Variants in ACSM2A observed in about 807,000 individuals in gnomAD.
ACSM2A encodes the protein acyl-CoA synthetase medium chain family member 2A.
A neutral mutation model predicts 76.6 loss-of-function variants in ACSM2A; 72 were observed. That is an observed-to-expected ratio of 0.94 (90% confidence interval 0.78 to 1.14). The LOEUF is 1.14. Among genes scored for constraint, ACSM2A ranks in the 50% most tolerant of loss-of-function variants. ACSM2A has a pLI of 0.00. For missense variants in ACSM2A, 684 were observed against 708.5 expected (o/e 0.97, Z 0.39); for synonymous variants, 249 against 255.9 (o/e 0.97, Z 0.26).
intron 6 of ACSM2A, among the ~76,000 whole-genome samples, chr16:20,472,864 A>C (rs2013502859): frequency 6.6e-6 from 1 of 152,182 alleles, no homozygotes; most frequent in African/African-American, 2.4e-5. Flanking sequence ...ATCTGTAAAA[A>C]TGTTCCCCCA....
In ACSM2A at chr16:20,483,122, A is replaced by G. The variant is rs777582294; in HGVS notation, c.1574A>G (p.Lys525Arg). Reference sequence around the variant, plus strand: ...TCCCATGACCCAGAACAGCTCACCAAGGAGCTGCAGCAGCATGTGAAGTCA... The same window carrying G: ...TCCCATGACCCAGAACAGCTCACCAGGGAGCTGCAGCAGCATGTGAAGTCA... Reference protein sequence around the residue: ...FLSHDPEQLTKELQQHVKSVT... With the variant: ...FLSHDPEQLTRELQQHVKSVT... Residue 525 changes from lysine (K) to arginine (R), a missense_variant, in exon 13 of 14, where the codon AAG (lysine) becomes AGG (arginine). Physicochemically the swap from Lys to Arg is conservative, Grantham distance 26. Around this residue, in one of 3 missense-constraint regions of ACSM2A, gnomAD observed 159 missense variants for 132.5 expected, o/e 1.20. Coordinates refer to ENST00000573854, the MANE Select transcript of ACSM2A (RefSeq NM_001308172.2). The G allele has an allele frequency of 6.2e-6, 10 of 1,614,000 alleles. No individual in the cohort carries two copies. In the Admixed American group the frequency reaches 1.2e-4, roughly 19 times the overall value.
chr16:20,471,766 T>C, intron 6 of ACSM2A, 77 bp downstream of exon 6: 1 of 1,547,964 alleles, frequency 6.5e-7, no homozygotes, highest in Admixed American at 1.9e-5. Context: ...TGTAGTTTGT[T>C]TCAATTCATC....
At chr16:20,470,133 G>A (rs991982723) in intron 4 of ACSM2A, among the ~76,000 whole-genome samples, 6 of 152,076 alleles carry the variant, frequency 3.9e-5, no homozygotes, top group African/African-American at 1.4e-4. Flanking sequence ...AAACTATGGG[G>A]CACAAAGTGA....
At chr16:20,485,019 A>C (rs945557184) in intron 13 of ACSM2A, among the ~76,000 whole-genome samples, 5 of 152,050 alleles carry the variant, frequency 3.3e-5, no homozygotes, top group Admixed American at 1.3e-4. Flanking sequence ...CCAGTTACTC[A>C]ATAACCTCTG....
rs757187183 is a variant in ACSM2A at position 20,480,811 on chromosome 16, T to C, written c.1410-11T>C. On this transcript the variant is annotated splice_polypyrimidine_tract_variant and intron_variant, in intron 11 of 13. Coordinates refer to ENST00000573854, the MANE Select transcript of ACSM2A (RefSeq NM_001308172.2). ...TGTCCAGTGTTCTCTGAAGGACAGG[T>C]TCTTCTGCAGGTACCGGATTGGACC... 2.0e-5 allele frequency: 32 copies of C among 1,613,814 alleles called. No homozygotes were observed. In the South Asian group the frequency reaches 3.4e-4, roughly 17 times the overall value.
Position 20,455,736 on chromosome 16 carries a change from TA to T in ACSM2A, c.-9+4065del, listed in dbSNP as rs543571170. The stretch of plus-strand genomic sequence containing the variant: ...CATGACCTATAAAACAAAAATACAA[TA>T]AAAAAAAAACCCAAGCTACACAGGC... On this transcript the variant is annotated intron_variant, in intron 1 of 13. Transcript: ENST00000573854. Among the ~76,000 whole-genome samples, 168 of 132,818 alleles carry T rather than the reference TA, an allele frequency of 1.3e-3. 2 individuals are homozygous for T. The highest frequency in any genetic ancestry group is 4.7e-3 in the African/African-American group (138 of 29,556). The allele number at this position is 132,818 out of a possible 152,430, so 87.1% of individuals were successfully genotyped here.
chr16:20,452,520 TAC>T (rs1596632905), intron 1 of ACSM2A: 1 of 127,582 alleles, frequency 7.8e-6, no homozygotes, highest in South Asian at 2.8e-4. Context: ...TATATATATA[TAC>T]ACACATACAT....
intron 13 of ACSM2A, among the ~76,000 whole-genome samples, chr16:20,485,517 T>A (rs540735891): frequency 1.3e-5 from 2 of 152,360 alleles, no homozygotes; most frequent in South Asian, 2.1e-4. Flanking sequence ...TTAGGCTATG[T>A]GGTCTTTGTT....
rs1392738637 is a variant in ACSM2A, at chr16:20,471,625, G to T, written c.830G>T (p.Trp277Leu). ...ATCTTGTGCTCACTTATGGAACCTT[G>T]GGCATTAGGAGCATGCACATTTGTT... ...LNILCSLMEPWALGACTFVHL... is the reference protein window; with the variant it reads ...LNILCSLMEPLALGACTFVHL... Residue 277 changes from tryptophan (W) to leucine (L), a missense_variant, in exon 6 of 14, where the codon TGG (tryptophan) becomes TTG (leucine). Physicochemically the swap from Trp to Leu is moderately conservative, Grantham distance 61. Transcript: ENST00000573854. 4 of 1,614,056 alleles carry T rather than the reference G, an allele frequency of 2.5e-6. No individual in the cohort carries two copies. In the South Asian group the frequency reaches 4.4e-5, roughly 18 times the overall value.
chr16:20,471,559 A>C lies in ACSM2A; in HGVS notation c.764A>C (p.Asp255Ala). The change falls in exon 6 of 14, where the codon GAT becomes GCT. Residue 255 changes from aspartate to alanine, a missense_variant. Physicochemically the swap from Asp to Ala is moderately radical, Grantham distance 126 (BLOSUM62 -2). Transcript: ENST00000573854. ...AGTTGGACAGGCCTGCAAGCCTCTG[A>C]TATAATGTGGACCATATCAGACACA... ...DAGWTGLQAS[D>A]IMWTISDTGW... 6.8e-6 allele frequency: 11 copies of C among 1,613,878 alleles called. No homozygotes were observed. The highest frequency in any genetic ancestry group is 9.3e-6 in the Non-Finnish European group (11 of 1,179,880).
chr16:20,485,325 T>C (rs1338902617), intron 13 of ACSM2A, among the ~76,000 whole-genome samples: 1 of 152,196 alleles, frequency 6.6e-6, no homozygotes, highest in Non-Finnish European at 1.5e-5. Context: ...GTCTCTCCTC[T>C]AGAATTCTCA....
intron 6 of ACSM2A, among the ~76,000 whole-genome samples, chr16:20,474,631 G>T (rs1364379540): frequency 6.6e-6 from 1 of 152,192 alleles, no homozygotes; most frequent in Admixed American, 6.5e-5. Context: ...ATAAAGAAAA[G>T]CATGGGATGG....
intron 2 of ACSM2A, among the ~76,000 whole-genome samples, chr16:20,461,709 C>G (rs1365159841): frequency 6.6e-6 from 1 of 152,124 alleles, no homozygotes; most frequent in East Asian, 1.9e-4. Flanking sequence ...ATTTCTCACC[C>G]TCCCTCATAA....
intron 6 of ACSM2A, among the ~76,000 whole-genome samples, chr16:20,474,958 T>C (rs2013638810): frequency 6.6e-6 from 1 of 152,186 alleles, no homozygotes; most frequent in Admixed American, 6.5e-5. Flanking sequence ...AAACAATCTA[T>C]TATAAAGCTG....
chr16:20,472,013 G>A (rs1041920240), intron 6 of ACSM2A, among the ~76,000 whole-genome samples: 4 of 152,198 alleles, frequency 2.6e-5, no homozygotes, highest in Non-Finnish European at 5.9e-5. Flanking sequence ...AAAAGGGAAA[G>A]CTGGAGTATT....
At chr16:20,484,832 C>A (rs1175455486) in intron 13 of ACSM2A, among the ~76,000 whole-genome samples, 1 of 152,120 alleles carries the variant, frequency 6.6e-6, no homozygotes, top group Admixed American at 6.5e-5. Context: ...GACAAGACAG[C>A]TGTCTCTGGC....
At chr16:20,461,975 T>G (rs933175784) in intron 2 of ACSM2A, among the ~76,000 whole-genome samples, 1 of 152,122 alleles carries the variant, frequency 6.6e-6, no homozygotes, top group African/African-American at 2.4e-5. Flanking sequence ...TATAGAGATG[T>G]GAGAAATGTC....
chr16:20,474,288 G>A, intron 6 of ACSM2A: 1 of 212,136 alleles, frequency 4.7e-6, no homozygotes, highest in South Asian at 6.3e-5. Flanking sequence ...AAGCGGTGGG[G>A]CATTTAAGAG....
chr16:20,464,622 C>G lies in ACSM2A; in HGVS notation c.178-895C>G, dbSNP rs192959055. Among the ~76,000 whole-genome samples, 22 of 152,168 alleles carry G rather than the reference C, an allele frequency of 1.4e-4. No homozygotes were observed. The East Asian group carries it at 3.5e-3, about 24-fold the overall frequency. On this transcript the variant is annotated intron_variant, in intron 2 of 13. Coordinates refer to ENST00000573854, the MANE Select transcript of ACSM2A (RefSeq NM_001308172.2). ...CTAAGCCATTCATGAGGGTCCCACCCCCATGATCCAATCACCTCCCACCAA... is the reference window on the plus strand; with the variant it reads ...CTAAGCCATTCATGAGGGTCCCACCGCCATGATCCAATCACCTCCCACCAA...
Sources: allele counts gnomAD v4.1 joint callset (sites outside exome capture counted in the v4.1 genomes callset), GRCh38; gene constraint gnomAD v4.1.1; regional missense constraint gnomAD v4.1.1; transcripts MANE v1.5; gene names NCBI Gene and HGNC (gene_info 2026-07-23, HGNC 2026-07-21).